SDC1: variants seen among roughly 807,000 people sequenced by gnomAD.
SDC1 encodes the protein syndecan 1.
In SDC1, 14 loss-of-function variants were observed where a neutral mutation model predicts 29.7. That is an observed-to-expected ratio of 0.47 (90% CI 0.31 to 0.74). The LOEUF (loss-of-function observed/expected upper bound fraction) is 0.74. Among genes scored for constraint, SDC1 ranks in the 30% least tolerant of loss-of-function variants. The probability of loss-of-function intolerance (pLI) is 0.05; values close to 1 mark genes in which losing one functional copy is unlikely to be tolerated. For missense variants in SDC1, 406 were observed against 400.3 expected (o/e 1.01, Z -0.12); for synonymous variants, 204 against 175.5 (o/e 1.16, Z -1.29).
At chr2:20,216,534 C>A (rs1677631557) in intron 1 of SDC1, among the ~76,000 whole-genome samples, 1 of 152,196 alleles carries the variant, frequency 6.6e-6, no homozygotes, top group Non-Finnish European at 1.5e-5. Flanking sequence ...TGGAACACTA[C>A]AGATAAGATG....
chr2:20,218,438 C>T (rs1677700483), intron 1 of SDC1, among the ~76,000 whole-genome samples: 1 of 152,174 alleles, frequency 6.6e-6, no homozygotes, highest in Non-Finnish European at 1.5e-5. Context: ...GAGACTGCAG[C>T]CTGACAGGGG....
Position 20,200,848 on chromosome 2 carries a change from C to A in SDC1, c.*1918G>T, listed in dbSNP as rs1037788869. On this transcript the variant is annotated 3_prime_UTR_variant, in exon 5 of 5. Transcript: ENST00000254351. ...TTGTCGTTACACAAATGAACCCAGC[C>A]TCTGGCTTGGGCACCGTCCCACGGA... 1.3e-5 allele frequency: 2 copies of A among 152,304 alleles called. No homozygotes were observed. Among genetic ancestry groups the A allele is most frequent in the Non-Finnish European group, 2.9e-5 (2 of 68,086 alleles). The allele number at this position is 152,304 out of a possible 1,614,324, so 9.4% of individuals were successfully genotyped here.
At chr2:20,219,202 G>C (rs888859902) in intron 1 of SDC1, among the ~76,000 whole-genome samples, 27 of 151,952 alleles carry the variant, frequency 1.8e-4, no homozygotes, top group Admixed American at 1.5e-3. Flanking sequence ...CTGCCAAAAA[G>C]CAGGACACTT....
Position 20,202,665 on chromosome 2 carries a change from G to A in SDC1, c.*101C>T. On this transcript the variant is annotated 3_prime_UTR_variant, in exon 5 of 5. Coordinates refer to ENST00000254351, the MANE Select transcript of SDC1 (RefSeq NM_002997.5). ...CCAGAGGGGCTGGAATGCTGGGGAG[G>A]TGGCCTGGTGGCAGGGGAGGCCAGG... is the stretch of plus-strand genomic sequence containing the variant. 1 of 1,164,786 alleles carries A rather than the reference G, an allele frequency of 8.6e-7. No individual in the cohort carries two copies. The highest frequency in any genetic ancestry group is 1.5e-5 in the South Asian group (1 of 66,070). The allele number at this position is 1,164,786 out of a possible 1,614,324, so 72.2% of individuals were successfully genotyped here.
At chr2:20,221,980 G>C (rs1677836506) in intron 1 of SDC1, among the ~76,000 whole-genome samples, 1 of 151,958 alleles carries the variant, frequency 6.6e-6, no homozygotes, top group South Asian at 2.1e-4. Flanking sequence ...AGGGCAAAAG[G>C]GATTTTATGC....
intron 1 of SDC1, among the ~76,000 whole-genome samples, chr2:20,206,847 T>C (rs1221043183): frequency 6.6e-6 from 1 of 152,202 alleles, no homozygotes; most frequent in East Asian, 1.9e-4. Context: ...TGGCACCCAG[T>C]GGGCACCCAC....
In SDC1 at chr2:20,225,042, C is replaced by T; in HGVS notation, c.-175G>A. On this transcript the variant is annotated 5_prime_UTR_variant, in exon 1 of 5. Coordinates refer to ENST00000254351, the MANE Select transcript of SDC1 (RefSeq NM_002997.5). ...CCGCTCTCTACTGCCGGATTCCTCT[C>T]CGCTCGGCTCGGATTCGGCCCGCAC... 2 of 771,232 alleles carry T rather than the reference C, an allele frequency of 2.6e-6. No homozygotes were observed. Among genetic ancestry groups the T allele is most frequent in the Non-Finnish European group, 3.4e-6 (2 of 585,746 alleles). The allele number at this position is 771,232 out of a possible 1,614,324, so 47.8% of individuals were successfully genotyped here.
intron 4 of SDC1, 45 bp downstream of exon 4, chr2:20,203,042 A>C (rs1234643009): frequency 6.4e-7 from 1 of 1,573,542 alleles, no homozygotes; most frequent in Non-Finnish European, 8.7e-7. Context: ...CCCTGACCCC[A>C]CAGCAGCAAT....
At position 20,202,097 on chromosome 2, in the gene SDC1, TAAAA is replaced by T. The variant is rs11350492; in HGVS notation, c.*665_*668del. On this transcript the variant is annotated 3_prime_UTR_variant, in exon 5 of 5. Coordinates refer to ENST00000254351, the MANE Select transcript of SDC1 (RefSeq NM_002997.5). ...GCTTCCAGATTTGGTTCTCCTAGTTTAAAAAAAAAAAAAAAAAGTCTTCTTAACC... is the reference window on the plus strand; with the variant it reads ...GCTTCCAGATTTGGTTCTCCTAGTTTAAAAAAAAAAAAAGTCTTCTTAACC... 1.1e-3 allele frequency: 511 copies of T among 461,578 alleles called. No homozygotes were observed. The highest frequency in any genetic ancestry group is 2.5e-3 in the South Asian group (73 of 29,622). 28.6% of individuals were successfully genotyped at this position (461,578 alleles called of 1,614,324 possible). A position where few individuals can be genotyped will look rare whatever the true frequency, so the allele number is the denominator to read the frequency against.
At chr2:20,208,660 A>G (rs1204844101) in intron 1 of SDC1, among the ~76,000 whole-genome samples, 1 of 152,194 alleles carries the variant, frequency 6.6e-6, no homozygotes, top group Non-Finnish European at 1.5e-5. Context: ...AGCCGGCAGC[A>G]AACTCCCTCT....
At chr2:20,223,289 A>T (rs1323809210) in intron 1 of SDC1, 1 of 1,295,814 alleles carries the variant, frequency 7.7e-7, no homozygotes. Flanking sequence ...CTGTAAAGAA[A>T]AAAAAAACCA....
In SDC1 at chr2:20,224,733, C is replaced by A. The variant is rs1677936014; in HGVS notation, c.66+69G>T. 1.6e-6 allele frequency: 2 copies of A among 1,249,328 alleles called. No homozygotes were observed. The highest frequency in any genetic ancestry group is 2.0e-6 in the Non-Finnish European group (2 of 993,646). The allele number at this position is 1,249,328 out of a possible 1,614,324, so 77.4% of individuals were successfully genotyped here. A position where few individuals can be genotyped will look rare whatever the true frequency, so the allele number is the denominator to read the frequency against. On this transcript the variant is annotated intron_variant, in intron 1 of 4. Coordinates refer to ENST00000254351, the MANE Select transcript of SDC1 (RefSeq NM_002997.5). The surrounding 1 kb of genome is among the most constrained non-coding windows in gnomAD (Gnocchi z 4.9). ...CTCCCCCTCCCCCTCCACGTGCACCCGCCGGCATCCGCGGGTGACCAGTCC... is the reference window on the plus strand; with the variant it reads ...CTCCCCCTCCCCCTCCACGTGCACCAGCCGGCATCCGCGGGTGACCAGTCC...
intron 1 of SDC1, chr2:20,223,365 T>C: frequency 1.8e-6 from 2 of 1,138,654 alleles, no homozygotes; most frequent in East Asian, 5.8e-5. Flanking sequence ...CTGCTGAGAC[T>C]TGTCCAGATG....
chr2:20,202,950 C>T lies in SDC1; in HGVS notation c.764-15G>A, dbSNP rs201935280. The T allele has an allele frequency of 7.8e-5, 125 of 1,599,644 alleles. No individual in the cohort carries two copies. The highest frequency in any genetic ancestry group is 1.3e-4 in the African/African-American group (10 of 74,722). On this transcript the variant is annotated splice_polypyrimidine_tract_variant and intron_variant, in intron 4 of 4. Transcript: ENST00000254351. ...GGCAATGACCCCTAGGGCAGGTAGA[C>T]GGGGCCAGCTCAGCTCAGCGGCTCC...
intron 1 of SDC1, among the ~76,000 whole-genome samples, chr2:20,223,846 T>C (rs939615592): frequency 2.0e-5 from 3 of 152,126 alleles, no homozygotes; most frequent in Admixed American, 6.5e-5. Flanking sequence ...CGTCCCTCTT[T>C]AGTGGAGCGT....
At position 20,202,902 on chromosome 2, in the gene SDC1, A is replaced by G; in HGVS notation, c.797T>C (p.Phe266Ser). The G allele has an allele frequency of 6.2e-7, 1 of 1,613,390 alleles. No homozygotes were observed. Among genetic ancestry groups the G allele is most frequent in the Non-Finnish European group, 8.5e-7 (1 of 1,179,684 alleles). Reference protein sequence around the residue: ...VIAGGLVGLIFAVCLVGFMLY... With the variant: ...VIAGGLVGLISAVCLVGFMLY... Reference sequence around the variant, plus strand: ...CATGAAACCCACCAGGCACACAGCAAAGATGAGCCCCACGAGGCCTCCGGC... The same window carrying G: ...CATGAAACCCACCAGGCACACAGCAGAGATGAGCCCCACGAGGCCTCCGGC... The change falls in exon 5 of 5, where the codon TTT becomes TCT. Residue 266 changes from phenylalanine (F) to serine (S), a missense_variant. By Grantham distance (155) the Phe-to-Ser change is radical (BLOSUM62 -2). Transcript: ENST00000254351.
chr2:20,202,758 C>T lies in SDC1; in HGVS notation c.*8G>A, dbSNP rs755710213. The stretch of plus-strand genomic sequence containing the variant: ...GTGGCAGGGCGGAGGGGGCGCATGG[C>T]TCCCGCGTCAGGCATAGAATTCCTC... On this transcript the variant is annotated 3_prime_UTR_variant, in exon 5 of 5. Transcript: ENST00000254351. The T allele has an allele frequency of 3.1e-6, 5 of 1,591,564 alleles. No homozygotes were observed. The African/African-American group carries it at 4.0e-5, about 13-fold the overall frequency.
At chr2:20,205,710 C>T (rs1440826072) in intron 1 of SDC1, among the ~76,000 whole-genome samples, 2 of 152,092 alleles carry the variant, frequency 1.3e-5, no homozygotes, top group Admixed American at 6.5e-5. Flanking sequence ...GGTGAGGGAG[C>T]TCCAGACCTC....
intron 1 of SDC1, among the ~76,000 whole-genome samples, chr2:20,222,703 C>T (rs896069923): frequency 6.6e-6 from 1 of 152,120 alleles, no homozygotes; most frequent in Non-Finnish European, 1.5e-5. Context: ...CAGCATCTGC[C>T]CCAGCCCACA....
Sources: gnomAD v4.1 joint callset for allele counts (sites outside exome capture counted in the v4.1 genomes callset) on GRCh38, gnomAD v4.1.1 for gene constraint, Gnocchi (gnomAD v3.1) non-coding constraint, MANE v1.5 for transcripts, NCBI Gene and HGNC (gene_info 2026-07-23, HGNC 2026-07-21) for gene names.